EPG5: variants seen among roughly 807,000 people sequenced by gnomAD.
EPG5 encodes ectopic P-granules 5 autophagy tethering factor.
A neutral mutation model predicts 302.7 loss-of-function variants in EPG5; 159 were observed. The ratio of observed to expected loss-of-function variants is 0.53; its 90% CI spans 0.46 to 0.60. EPG5 has a LOEUF of 0.60. Ranked by LOEUF, EPG5 falls within the 20% of genes least tolerant of loss-of-function variation. EPG5 has a pLI of 0.00. For synonymous variants in EPG5, 1,158 were observed against 1,136.8 expected (o/e 1.02, Z -0.37); for missense variants, 2,896 against 3,092.4 (o/e 0.94, Z 1.51).
intron 13 of EPG5, among the ~76,000 whole-genome samples, chr18:45,927,922 G>A (rs190458325): frequency 1.3e-5 from 2 of 152,136 alleles, no homozygotes; most frequent in African/African-American, 2.4e-5. Context: ...GGCCAGGCAC[G>A]GTGGCTCATG....
At chr18:45,946,291 A>T (rs998944647) in intron 7 of EPG5, among the ~76,000 whole-genome samples, 2 of 152,224 alleles carry the variant, frequency 1.3e-5, no homozygotes, top group African/African-American at 2.4e-5. Flanking sequence ...GTGAGGCTCC[A>T]ACCCCAGCAA....
intron 27 of EPG5, among the ~76,000 whole-genome samples, chr18:45,895,683 A>G (rs1349068311): frequency 1.3e-5 from 2 of 152,252 alleles, no homozygotes; most frequent in Non-Finnish European, 2.9e-5. Flanking sequence ...TCAATATCAC[A>G]ACAGAAAGAT....
rs1441973419 is a variant in EPG5 at position 45,954,560 on chromosome 18, C to G, written c.842G>C (p.Ser281Thr). 3.1e-6 allele frequency: 5 copies of G among 1,614,140 alleles called. No homozygotes were observed. In the African/African-American group the frequency reaches 6.7e-5, roughly 22 times the overall value. Residue 281 changes from serine to threonine, a missense_variant, in exon 2 of 44, where the codon AGC (serine) becomes ACC (threonine). Coordinates refer to ENST00000282041, the MANE Select transcript of EPG5 (RefSeq NM_020964.3). ...NVESYLEEFD[S>T]MAHQDRHEFY... Reference sequence around the variant, plus strand: ...TTCATGCCTGTCTTGATGAGCCATGCTGTCAAATTCTTCTAAATATGACTC... The same window carrying G: ...TTCATGCCTGTCTTGATGAGCCATGGTGTCAAATTCTTCTAAATATGACTC...
intron 11 of EPG5, among the ~76,000 whole-genome samples, chr18:45,931,380 T>C (rs2050392053): frequency 6.6e-6 from 1 of 152,204 alleles, no homozygotes; most frequent in Non-Finnish European, 1.5e-5. Flanking sequence ...ATGAATGTCA[T>C]AAACGATATA....
the EPG5 span, among the ~76,000 whole-genome samples, chr18:45,828,516 T>TG: frequency 6.6e-6 from 1 of 152,090 alleles, no homozygotes; most frequent in Non-Finnish European, 1.5e-5. Context: ...AGGCCTCAGG[T>TG]GGTCCTCAAG....
At chr18:45,856,841 C>T (rs1034628388) in intron 42 of EPG5, among the ~76,000 whole-genome samples, 1 of 152,216 alleles carries the variant, frequency 6.6e-6, no homozygotes, top group Non-Finnish European at 1.5e-5. Context: ...CAAATTCTTC[C>T]ATGCCTTGGG....
At position 45,938,461 on chromosome 18, in the gene EPG5, C is replaced by CAAA. The variant is rs201985053; in HGVS notation, c.2099+1136_2099+1138dup. Among the ~76,000 whole-genome samples the CAAA allele has an allele frequency of 7.9e-3, 702 of 88,624 alleles. 4 individuals carry two copies. The highest frequency in any genetic ancestry group is 0.024 in the African/African-American group (641 of 26,290). 58.1% of individuals were successfully genotyped at this position (88,624 alleles called of 152,430 possible). Reference sequence around the variant, plus strand: ...TGGGCAACAAAGTGAGACTCCATCTCAAAAAAAAAAAAAAAAAGATAAATT... The same window carrying CAAA: ...TGGGCAACAAAGTGAGACTCCATCTCAAAAAAAAAAAAAAAAAAAAGATAAATT... On this transcript the variant is annotated intron_variant, in intron 10 of 43. Transcript: ENST00000282041.
chr18:45,931,379 A>C lies in EPG5; in HGVS notation c.2258-549T>G, dbSNP rs1344978893. Among the ~76,000 whole-genome samples, 3 of 152,270 alleles carry C rather than the reference A, an allele frequency of 2.0e-5. No individual in the cohort carries two copies. The East Asian group carries it at 5.8e-4, about 29-fold the overall frequency. Reference sequence around the variant, plus strand: ...CGTAAATGAAATACTAATGAATGTCATAAACGATATAATAAATGTGATATG... The same window carrying C: ...CGTAAATGAAATACTAATGAATGTCCTAAACGATATAATAAATGTGATATG... On this transcript the variant is annotated intron_variant, in intron 11 of 43. Coordinates refer to ENST00000282041, the MANE Select transcript of EPG5 (RefSeq NM_020964.3).
Position 45,951,153 on chromosome 18 carries a change from A to C in EPG5, c.1338T>G (p.Val446=). The C allele has an allele frequency of 2.1e-5, 33 of 1,596,562 alleles. 1 individual carries two copies. The highest frequency in any genetic ancestry group is 2.7e-5 in the Non-Finnish European group (32 of 1,172,966). The change falls in exon 4 of 44, where the codon GTT becomes GTG. Residue 446 remains valine (V), a synonymous_variant. Transcript: ENST00000282041. ...CATCATGAAACTGAGTATCTTCATT[A>C]ACTCTCCTGGTGAACATGAATAAGA... ...ISVLFMFTRR[V]NEDTQFHDDI...
chr18:45,837,209 G>C, the EPG5 span: 8 of 1,455,294 alleles, frequency 5.5e-6, no homozygotes. Context: ...AAGAATATGG[G>C]GTCAAGGGGC....
chr18:45,930,607 A>G, intron 12 of EPG5, 69 bp downstream of exon 12: 1 of 1,374,700 alleles, frequency 7.3e-7, no homozygotes, highest in Non-Finnish European at 9.7e-7. Flanking sequence ...GCAATCCCCC[A>G]AAAAATCAAC....
Position 45,922,458 on chromosome 18 carries a change from G to T in EPG5, c.2981C>A (p.Ser994Tyr), listed in dbSNP as rs2050179430. Residue 994 changes from serine (S) to tyrosine (Y), a missense_variant, in exon 16 of 44, where the codon TCC becomes TAC. Ser to Tyr is a moderately radical substitution (Grantham distance 144, BLOSUM62 -2). Transcript: ENST00000282041. ...IQPNCPAVPFSVTVPDMTESP... is the reference protein window; with the variant it reads ...IQPNCPAVPFYVTVPDMTESP... ...CTCTGTCATGTCAGGCACAGTGACG[G>T]AGAAGGGAACAGCTGGACAATTCGG... is the stretch of plus-strand genomic sequence containing the variant. 2 of 1,614,140 alleles carry T rather than the reference G, an allele frequency of 1.2e-6. No homozygotes were observed. The highest frequency in any genetic ancestry group is 2.2e-5 in the South Asian group (2 of 91,090).
chr18:45,806,668 A>G, the EPG5 span, among the ~76,000 whole-genome samples: 5 of 152,256 alleles, frequency 3.3e-5, no homozygotes, highest in South Asian at 4.2e-4. Flanking sequence ...GTCAATTTAG[A>G]GAGCCTAGCA....
At position 45,955,168 on chromosome 18, in the gene EPG5, A is replaced by G; in HGVS notation, c.234T>C (p.Ser78=). Residue 78 remains serine, a synonymous_variant, in exon 2 of 44, where the codon AGT becomes AGC. Transcript: ENST00000282041. ...AGGTGAGTGGTACATCAAACATTTC[A>G]CTCTCATTTTGTCCACTGGCATCAT... is the stretch of plus-strand genomic sequence containing the variant. ...LQDDASGQNE[S]EMFDVPLTSL... The G allele has an allele frequency of 6.2e-7, 1 of 1,613,084 alleles. No homozygotes were observed.
chr18:45,950,203 C>G (rs1283779490), intron 4 of EPG5, among the ~76,000 whole-genome samples: 1 of 152,168 alleles, frequency 6.6e-6, no homozygotes, highest in Non-Finnish European at 1.5e-5. Flanking sequence ...TTTCAGACTT[C>G]AGATTTTTTC....
the EPG5 span, among the ~76,000 whole-genome samples, chr18:45,823,105 T>C: frequency 1.3e-5 from 2 of 152,174 alleles, no homozygotes; most frequent in Non-Finnish European, 2.9e-5. Context: ...GAAGACTTCC[T>C]AGGAGAGGTG....
chr18:45,947,012 C>T lies in EPG5; in HGVS notation c.1572-244G>A, dbSNP rs114597140. 1.8e-3 allele frequency among the ~76,000 whole-genome samples: 278 copies of T among 152,330 alleles called. 2 individuals carry two copies. The highest frequency in any genetic ancestry group is 6.3e-3 in the African/African-American group (262 of 41,562). ...AAAAGCAGCTACACTAGCACAGCTC[C>T]CTGCATGATGCAGGACCTCAATACA... On this transcript the variant is annotated intron_variant, in intron 6 of 43. Transcript: ENST00000282041.
At position 45,925,794 on chromosome 18, in the gene EPG5, T is replaced by C. The variant is rs769833086; in HGVS notation, c.2662A>G (p.Lys888Glu). 1.5e-5 allele frequency: 23 copies of C among 1,573,106 alleles called. No homozygotes were observed. In the South Asian group the frequency reaches 2.3e-4, roughly 16 times the overall value. ...AGAATAACACAGGCCAGTTTATTCTTCACCACTGTCAGGTTGTAATTCAAT... is the reference window on the plus strand; with the variant it reads ...AGAATAACACAGGCCAGTTTATTCTCCACCACTGTCAGGTTGTAATTCAAT... Reference protein sequence around the residue: ...WLLNYNLTVVKNKLACVILEG... With the variant: ...WLLNYNLTVVENKLACVILEG... Residue 888 changes from lysine (K) to glutamate (E), a missense_variant, in exon 14 of 44, where the codon AAG becomes GAG. This residue lies in a region of EPG5 where 1,390 missense variants were observed against 1,430.0 expected (regional missense o/e 0.97). Transcript: ENST00000282041.
At chr18:45,923,863 T>C (rs1325934407) in intron 14 of EPG5, among the ~76,000 whole-genome samples, 1 of 152,098 alleles carries the variant, frequency 6.6e-6, no homozygotes, top group Non-Finnish European at 1.5e-5. Context: ...ACCTTGTCTC[T>C]ACTAAAAATA....
Sources: allele counts gnomAD v4.1 joint callset (sites outside exome capture counted in the v4.1 genomes callset), GRCh38; gene constraint gnomAD v4.1.1; regional missense constraint gnomAD v4.1.1; transcripts MANE v1.5; gene names NCBI Gene and HGNC (gene_info 2026-07-23, HGNC 2026-07-21).